The following GLIS3 variants were observed in gnomAD, a reference collection of about 807,000 sequenced individuals.
GLIS3 encodes the protein zinc finger protein GLIS3.
A neutral mutation model predicts 78.6 loss-of-function variants in GLIS3; 53 were observed. The observed-to-expected ratio is 0.67, with a 90% CI of 0.54 to 0.85. The LOEUF (loss-of-function observed/expected upper bound fraction) is 0.85. Among genes scored for constraint, GLIS3 ranks in the 40% least tolerant of loss-of-function variants. The pLI, the probability that GLIS3 is intolerant of heterozygous loss-of-function variation, is 0.00. For missense variants in GLIS3, 1,703 were observed against 1,231.1 expected (o/e 1.38, Z -5.74); for synonymous variants, 684 against 509.9 (o/e 1.34, Z -4.60).
At chr9:3,984,356 G>A (rs960249598) in intron 4 of GLIS3, among the ~76,000 whole-genome samples, 7 of 152,254 alleles carry the variant, frequency 4.6e-5, no homozygotes, top group Non-Finnish European at 7.3e-5. Flanking sequence ...CACACCTCTT[G>A]CATCAGCATG....
the GLIS3 span, among the ~76,000 whole-genome samples, chr9:4,460,526 C>A: frequency 1.3e-5 from 2 of 152,158 alleles, no homozygotes; most frequent in African/African-American, 4.8e-5. Flanking sequence ...AGCTTGATGT[C>A]CTGGCTAGTG....
chr9:3,867,705 T>G (rs1820677932), intron 8 of GLIS3, among the ~76,000 whole-genome samples: 1 of 146,574 alleles, frequency 6.8e-6, no homozygotes, highest in Non-Finnish European at 1.5e-5. Context: ...TTTATTACAT[T>G]CAACAATTCT....
the GLIS3 span, among the ~76,000 whole-genome samples, chr9:4,357,858 G>C: frequency 1.3e-5 from 2 of 152,152 alleles, no homozygotes; most frequent in African/African-American, 2.4e-5. Flanking sequence ...TGTGTCAATG[G>C]TGCCTCTGAA....
the GLIS3 span, among the ~76,000 whole-genome samples, chr9:4,381,867 G>C: frequency 1.3e-5 from 2 of 152,196 alleles, no homozygotes; most frequent in African/African-American, 4.8e-5. Context: ...TCTGGAAGTA[G>C]CTGTGCCCCT....
At chr9:3,849,580 T>C (rs1331370492) in intron 9 of GLIS3, among the ~76,000 whole-genome samples, 4 of 152,100 alleles carry the variant, frequency 2.6e-5, no homozygotes, top group Non-Finnish European at 4.4e-5. Context: ...TGAGGCTCCT[T>C]CTCCACCTTG....
intron 2 of GLIS3, among the ~76,000 whole-genome samples, chr9:4,200,574 C>T (rs951763682): frequency 6.6e-6 from 1 of 152,062 alleles, no homozygotes; most frequent in Non-Finnish European, 1.5e-5. Flanking sequence ...AGATAAATTC[C>T]TGGAAACACA....
At chr9:4,445,459 T>A in the GLIS3 span, among the ~76,000 whole-genome samples, 5 of 152,126 alleles carry the variant, frequency 3.3e-5, no homozygotes, top group African/African-American at 1.2e-4. Context: ...GGACCTAGTC[T>A]CTACAATAAA....
At chr9:3,992,783 AC>A (rs1820426425) in intron 4 of GLIS3, among the ~76,000 whole-genome samples, 1 of 152,210 alleles carries the variant, frequency 6.6e-6, no homozygotes, top group South Asian at 2.1e-4. Flanking sequence ...CTGGTGGAAA[AC>A]AAAAGATCAG....
chr9:4,117,893 G>A lies in GLIS3; in HGVS notation c.1585C>T (p.Arg529Cys), dbSNP rs367832413. The A allele has an allele frequency of 1.2e-6, 2 of 1,614,124 alleles. No homozygotes were observed. Among genetic ancestry groups the A allele is most frequent in the Non-Finnish European group, 8.5e-7 (1 of 1,180,032 alleles). ...AAGCAAGTGAAGTCCTCCCCTTTGC[G>A]CTGGTCGATGTGGACCTTCTCGATG... ...RHIEKVHIDQRKGEDFTCFWA... is the reference protein window; with the variant it reads ...RHIEKVHIDQCKGEDFTCFWA... The change falls in exon 4 of 11, where the codon CGC becomes TGC. Residue 529 changes from arginine (R) to cysteine (C), a missense_variant. Coordinates refer to ENST00000381971, the MANE Select transcript of GLIS3 (RefSeq NM_001042413.2).
chr9:3,896,243 G>A (rs972662091), intron 7 of GLIS3, among the ~76,000 whole-genome samples: 13 of 152,096 alleles, frequency 8.5e-5, no homozygotes, highest in Non-Finnish European at 1.6e-4. Flanking sequence ...TTTTTGTTTT[G>A]TAATTTTTTC....
chr9:4,194,369 A>AT (rs991160068), intron 2 of GLIS3, among the ~76,000 whole-genome samples: 2 of 152,128 alleles, frequency 1.3e-5, no homozygotes, highest in African/African-American at 4.8e-5. Flanking sequence ...CTGCCACTTT[A>AT]TTTTTTTAAA....
At chr9:4,197,246 A>G (rs1818948571) in intron 2 of GLIS3, among the ~76,000 whole-genome samples, 1 of 151,588 alleles carries the variant, frequency 6.6e-6, no homozygotes, top group Non-Finnish European at 1.5e-5. Context: ...TTCCCTATGC[A>G]GAGATGCTGT....
chr9:3,892,876 C>T (rs186982381), intron 7 of GLIS3, among the ~76,000 whole-genome samples: 3 of 152,280 alleles, frequency 2.0e-5, no homozygotes, highest in African/African-American at 7.2e-5. Flanking sequence ...TTAAGACCTG[C>T]TTCAGGTACA....
intron 4 of GLIS3, among the ~76,000 whole-genome samples, chr9:4,006,608 ATC>A (rs1821575027): frequency 6.6e-6 from 1 of 152,124 alleles, no homozygotes; most frequent in Non-Finnish European, 1.5e-5. Context: ...ACTCAGACCA[ATC>A]TTATGAACAG....
chr9:3,974,124 C>T (rs1051102700), intron 4 of GLIS3, among the ~76,000 whole-genome samples: 5 of 152,096 alleles, frequency 3.3e-5, no homozygotes, highest in African/African-American at 1.2e-4. Context: ...CCCAACCATA[C>T]ATGAAAACAG....
chr9:3,858,103 G>A (rs1305361896), intron 8 of GLIS3, among the ~76,000 whole-genome samples: 10 of 152,044 alleles, frequency 6.6e-5, no homozygotes, highest in Non-Finnish European at 1.5e-4. Context: ...TTGTTTTCTG[G>A]GGCAAAGGAG....
chr9:4,255,318 C>G (rs1824820749), intron 2 of GLIS3, among the ~76,000 whole-genome samples: 2 of 152,190 alleles, frequency 1.3e-5, no homozygotes, highest in African/African-American at 4.8e-5. Context: ...TCCTGCCAAA[C>G]TAAATATATC....
At chr9:4,289,356 G>A (rs558586348) in intron 1 of GLIS3, among the ~76,000 whole-genome samples, 4 of 152,054 alleles carry the variant, frequency 2.6e-5, no homozygotes, top group South Asian at 2.1e-4. Context: ...AAATCTGGAC[G>A]GTAGACATGG....
chr9:4,218,500 G>T (rs1286926729), intron 2 of GLIS3, among the ~76,000 whole-genome samples: 1 of 152,142 alleles, frequency 6.6e-6, no homozygotes, highest in East Asian at 1.9e-4. Flanking sequence ...GGATGGTCTT[G>T]ATCTCTTGAC....
Sources: allele counts gnomAD v4.1 joint callset (sites outside exome capture counted in the v4.1 genomes callset), GRCh38; gene constraint gnomAD v4.1.1; transcripts MANE v1.5; gene names NCBI Gene and HGNC (gene_info 2026-07-23, HGNC 2026-07-21).